RGS6: variants seen among roughly 807,000 people sequenced by gnomAD.
The protein encoded by RGS6 is regulator of G-protein signaling 6.
A neutral mutation model predicts 78.5 loss-of-function variants in RGS6; 30 were observed. That is an observed-to-expected ratio of 0.38 (90% CI 0.29 to 0.52). The LOEUF is 0.52. Among genes scored for constraint, RGS6 ranks in the 20% least tolerant of loss-of-function variants. The pLI is 0.85. For missense variants in RGS6, 495 were observed against 609.7 expected (o/e 0.81, Z 1.98); for synonymous variants, 206 against 206.0 (o/e 1.00, Z 0.00).
Position 72,303,155 on chromosome 14 carries a change from G to T in RGS6, c.85-48940G>T, listed in dbSNP as rs893240951. The stretch of plus-strand genomic sequence containing the variant: ...ATTCCTTTACCTACATTCTTTTTTT[G>T]TTATTTGCCCTTGCTTTTCATCATG... On this transcript the variant is annotated intron_variant, in intron 2 of 17. Coordinates refer to ENST00000553525, the MANE Select transcript of RGS6 (RefSeq NM_001204424.2). 5.9e-5 allele frequency among the ~76,000 whole-genome samples: 9 copies of T among 152,072 alleles called. No individual in the cohort carries two copies. The South Asian group carries it at 1.7e-3, about 28-fold the overall frequency.
At position 72,072,755 on chromosome 14, in the gene RGS6, G is replaced by A. The variant is rs1282301274; in HGVS notation, c.84+107880G>A. 3.3e-5 allele frequency among the ~76,000 whole-genome samples: 5 copies of A among 152,206 alleles called. No individual in the cohort carries two copies. In the East Asian group the frequency reaches 7.7e-4, roughly 23 times the overall value. On this transcript the variant is annotated intron_variant, in intron 2 of 17. Transcript: ENST00000553525. ...TTAAGCAACTTAATATATGTCTTAC[G>A]GATTAAGTTAATTTTAAATCAATGC...
intron 2 of RGS6, among the ~76,000 whole-genome samples, chr14:72,253,924 G>T (rs966261892): frequency 6.6e-6 from 1 of 152,106 alleles, no homozygotes; most frequent in Admixed American, 6.5e-5. Context: ...TACGTTTCGG[G>T]GCACCACCTC....
At chr14:72,578,495 C>T in the RGS6 span, among the ~76,000 whole-genome samples, 1 of 152,220 alleles carries the variant, frequency 6.6e-6, no homozygotes, top group African/African-American at 2.4e-5. Flanking sequence ...AAGCTTCCAG[C>T]ACTAGAAAAA....
the RGS6 span, chr14:72,629,607 GA>G: frequency 6.5e-7 from 1 of 1,531,652 alleles, no homozygotes; most frequent in Non-Finnish European, 8.7e-7. Context: ...CTCCCACAGG[GA>G]AAGCCCCAAA....
At chr14:72,338,277 G>A (rs758856103) in intron 2 of RGS6, among the ~76,000 whole-genome samples, 32 of 152,224 alleles carry the variant, frequency 2.1e-4, no homozygotes, top group Non-Finnish European at 3.7e-4. Flanking sequence ...ACGGTTCCAC[G>A]TGGTTGGGGA....
chr14:72,293,648 G>A (rs549013410), intron 2 of RGS6, among the ~76,000 whole-genome samples: 1 of 152,260 alleles, frequency 6.6e-6, no homozygotes, highest in African/African-American at 2.4e-5. Flanking sequence ...TGCCGACCAA[G>A]TAGTCAGTAG....
At chr14:72,624,631 G>A in the RGS6 span, among the ~76,000 whole-genome samples, 8 of 152,154 alleles carry the variant, frequency 5.3e-5, no homozygotes, top group Admixed American at 4.6e-4. Flanking sequence ...GAGCCACCAC[G>A]CCCGGCCCCC....
At chr14:72,423,587 A>G (rs2094302405) in intron 3 of RGS6, among the ~76,000 whole-genome samples, 1 of 143,836 alleles carries the variant, frequency 7.0e-6, no homozygotes, top group Non-Finnish European at 1.5e-5. Context: ...ACTCAATACT[A>G]TGTGTTCTCA....
chr14:71,956,097 A>C (rs1310891637), intron 1 of RGS6, among the ~76,000 whole-genome samples: 1 of 152,136 alleles, frequency 6.6e-6, no homozygotes, highest in Non-Finnish European at 1.5e-5. Flanking sequence ...TGGTAGGAAA[A>C]CATTTTGGGT....
At position 72,539,871 on chromosome 14, in the gene RGS6, A is replaced by G. The variant is rs757652; in HGVS notation, c.1369-170A>G. On this transcript the variant is annotated intron_variant, in intron 16 of 17. Transcript: ENST00000553525. ...TGGGCTTCTGTCTTCTGTCTCTCCC[A>G]TTGACTCTTCCAACAGCTCTGGCTG... 0.93 allele frequency among the ~76,000 whole-genome samples: 141,521 copies of G among 152,282 alleles called. 65,920 individuals are homozygous for G. The highest frequency in any genetic ancestry group is 1 in the East Asian group (5,171 of 5,176).
intron 17 of RGS6, among the ~76,000 whole-genome samples, chr14:72,543,754 T>G (rs1220629533): frequency 6.6e-6 from 1 of 152,230 alleles, no homozygotes; most frequent in Non-Finnish European, 1.5e-5. Flanking sequence ...TCCCACTGCT[T>G]CTTGAGACAG....
chr14:72,570,142 A>G (rs1245781339), downstream of RGS6, among the ~76,000 whole-genome samples: 1 of 152,248 alleles, frequency 6.6e-6, no homozygotes, highest in Non-Finnish European at 1.5e-5. Context: ...AAAAATAACA[A>G]CAGTAAAAAT....
intron 2 of RGS6, among the ~76,000 whole-genome samples, chr14:72,181,601 G>A (rs567839188): frequency 8.5e-5 from 13 of 152,276 alleles, no homozygotes; most frequent in African/African-American, 3.1e-4. Context: ...TGCATAATGT[G>A]CTATATACTG....
At chr14:72,464,967 G>A (rs2095864776) in intron 6 of RGS6, among the ~76,000 whole-genome samples, 1 of 152,158 alleles carries the variant, frequency 6.6e-6, no homozygotes, top group Non-Finnish European at 1.5e-5. Context: ...GGATTTCAGT[G>A]CAATGGAATT....
At chr14:71,959,593 T>G (rs2093043450) in intron 1 of RGS6, among the ~76,000 whole-genome samples, 1 of 152,102 alleles carries the variant, frequency 6.6e-6, no homozygotes, top group South Asian at 2.1e-4. Flanking sequence ...TGTAGGGTAA[T>G]TGTAGTTGGT....
At chr14:72,579,424 G>A in the RGS6 span, among the ~76,000 whole-genome samples, 25 of 152,296 alleles carry the variant, frequency 1.6e-4, no homozygotes, top group Non-Finnish European at 2.9e-4. Flanking sequence ...AAATAATAAA[G>A]CTTATCAGAA....
At chr14:72,272,837 A>T (rs1364100341) in intron 2 of RGS6, among the ~76,000 whole-genome samples, 1 of 152,248 alleles carries the variant, frequency 6.6e-6, no homozygotes, top group Non-Finnish European at 1.5e-5. Context: ...CTTGGAGACC[A>T]GGTGCAATGG....
At chr14:72,260,866 C>T (rs540132723) in intron 2 of RGS6, among the ~76,000 whole-genome samples, 2 of 152,332 alleles carry the variant, frequency 1.3e-5, no homozygotes, top group South Asian at 4.1e-4. Flanking sequence ...CAGTGGTTGA[C>T]AAGCTCAACT....
chr14:72,559,863 A>AG, intron 17 of RGS6, among the ~76,000 whole-genome samples: 1 of 152,300 alleles, frequency 6.6e-6, no homozygotes, highest in Middle Eastern at 3.4e-3. Context: ...TTCTGTAGAA[A>AG]GGGGAAGGGT....
Sources: allele counts gnomAD v4.1 joint callset (sites outside exome capture counted in the v4.1 genomes callset), GRCh38; gene constraint gnomAD v4.1.1; transcripts MANE v1.5; gene names NCBI Gene and HGNC (gene_info 2026-07-23, HGNC 2026-07-21).